GALNTL6: variants seen among roughly 807,000 people sequenced by gnomAD.
GALNTL6 encodes the protein polypeptide N-acetylgalactosaminyltransferase-like 6.
A neutral mutation model predicts 73.7 loss-of-function variants in GALNTL6; 46 were observed. That is an observed-to-expected ratio of 0.62 (90% CI 0.49 to 0.80). The LOEUF (loss-of-function observed/expected upper bound fraction) is 0.80, where lower values mean the gene tolerates loss of function less well. Among genes scored for constraint, GALNTL6 ranks in the 30% least tolerant of loss-of-function variants. GALNTL6 has a pLI of 0.00. For synonymous variants in GALNTL6, 259 were observed against 263.7 expected (o/e 0.98, Z 0.17); for missense variants, 604 against 755.0 (o/e 0.80, Z 2.34).
intron 2 of GALNTL6, among the ~76,000 whole-genome samples, chr4:172,070,003 G>A (rs36118150): frequency 0.68 from 72,227 of 106,490 alleles, 32,497 homozygotes; most frequent in Non-Finnish European, 0.84. Flanking sequence ...TCAATGGGTT[G>A]CCTCTCTGGC....
intron 5 of GALNTL6, among the ~76,000 whole-genome samples, chr4:172,611,273 A>C (rs948352319): frequency 6.6e-6 from 1 of 152,020 alleles, no homozygotes; most frequent in African/African-American, 2.4e-5. Context: ...GCTTTATAGT[A>C]TCAGTGGTCT....
intron 5 of GALNTL6, among the ~76,000 whole-genome samples, chr4:172,796,788 G>A (rs1740293832): frequency 6.8e-6 from 1 of 148,112 alleles, no homozygotes; most frequent in Admixed American, 6.9e-5. Flanking sequence ...ATTAAGAACG[G>A]GGAGTTTCCG....
chr4:172,226,851 A>T (rs1041764781), intron 2 of GALNTL6, among the ~76,000 whole-genome samples: 7 of 152,046 alleles, frequency 4.6e-5, no homozygotes, highest in African/African-American at 1.7e-4. Context: ...ACATTTCAGG[A>T]ACTCTCTCTG....
At chr4:172,711,809 A>G (rs1734724960) in intron 5 of GALNTL6, among the ~76,000 whole-genome samples, 2 of 152,182 alleles carry the variant, frequency 1.3e-5, no homozygotes, top group African/African-American at 2.4e-5. Flanking sequence ...CTTAAAGTCT[A>G]TTAACATAGA....
At chr4:172,392,525 G>A (rs1019946207) in intron 5 of GALNTL6, among the ~76,000 whole-genome samples, 1 of 150,142 alleles carries the variant, frequency 6.7e-6, no homozygotes, top group African/African-American at 2.5e-5. Context: ...CTCCTTCCTC[G>A]GTCTCCCAAA....
intron 5 of GALNTL6, among the ~76,000 whole-genome samples, chr4:172,720,161 G>C (rs757088192): frequency 1.3e-5 from 2 of 152,090 alleles, no homozygotes; most frequent in Non-Finnish European, 2.9e-5. Context: ...GTAGGTTTCA[G>C]TCTCATTTGT....
intron 5 of GALNTL6, among the ~76,000 whole-genome samples, chr4:172,489,637 T>A (rs1217172716): frequency 6.6e-6 from 1 of 152,208 alleles, no homozygotes; most frequent in Non-Finnish European, 1.5e-5. Context: ...TGTCATAGAA[T>A]TCCTGGCATT....
intron 2 of GALNTL6, among the ~76,000 whole-genome samples, chr4:172,048,848 A>G (rs1488327747): frequency 6.6e-6 from 1 of 152,302 alleles, no homozygotes; most frequent in African/African-American, 2.4e-5. Context: ...TTCCAAAAAA[A>G]GACAGCTCAA....
chr4:172,976,470 T>A (rs1001225619), intron 10 of GALNTL6, among the ~76,000 whole-genome samples: 6 of 152,220 alleles, frequency 3.9e-5, no homozygotes, highest in African/African-American at 1.4e-4. Context: ...CTCAGCTGCA[T>A]GCCCAGAAGT....
chr4:172,159,028 A>G (rs1734371336), intron 2 of GALNTL6, among the ~76,000 whole-genome samples: 1 of 152,198 alleles, frequency 6.6e-6, no homozygotes, highest in African/African-American at 2.4e-5. Context: ...ATTTTTGGAA[A>G]TTGCCATAGA....
chr4:172,733,234 T>G (rs1736257863), intron 5 of GALNTL6, among the ~76,000 whole-genome samples: 1 of 152,222 alleles, frequency 6.6e-6, no homozygotes, highest in Non-Finnish European at 1.5e-5. Flanking sequence ...TTGAACACTT[T>G]GAAAATATTG....
chr4:172,949,035 C>G (rs144802225), intron 9 of GALNTL6, among the ~76,000 whole-genome samples: 3,252 of 152,236 alleles, frequency 0.021, 68 homozygotes, highest in South Asian at 0.047. Context: ...CAATAATTGC[C>G]ATATCTATTT....
chr4:172,257,141 A>G (rs1397991942), intron 3 of GALNTL6, among the ~76,000 whole-genome samples: 1 of 151,462 alleles, frequency 6.6e-6, no homozygotes, highest in Non-Finnish European at 1.5e-5. Context: ...GTCTGGACAT[A>G]TATGAAGTTC....
At chr4:172,371,631 C>G (rs1244565751) in intron 5 of GALNTL6, among the ~76,000 whole-genome samples, 1 of 151,964 alleles carries the variant, frequency 6.6e-6, no homozygotes, top group African/African-American at 2.4e-5. Context: ...GTCGCTCTGT[C>G]TCTTCCTCTG....
At chr4:172,536,511 G>A (rs1355539883) in intron 5 of GALNTL6, among the ~76,000 whole-genome samples, 1 of 152,114 alleles carries the variant, frequency 6.6e-6, no homozygotes, top group African/African-American at 2.4e-5. Flanking sequence ...GTGGAATAAA[G>A]GTGACTCTTG....
At chr4:172,755,028 G>A (rs914061786) in intron 5 of GALNTL6, among the ~76,000 whole-genome samples, 18 of 151,896 alleles carry the variant, frequency 1.2e-4, no homozygotes, top group African/African-American at 4.1e-4. Context: ...TGCTTGATGG[G>A]GACTGAGCCT....
At chr4:172,294,883 AAGAT>A (rs550442301) in intron 3 of GALNTL6, among the ~76,000 whole-genome samples, 94 of 152,330 alleles carry the variant, frequency 6.2e-4, no homozygotes, top group African/African-American at 2.1e-3. Flanking sequence ...AAGCTGAAAA[AAGAT>A]AGAATACTAA....
chr4:172,658,160 A>AAAAAAAAAAG (rs1731163470), intron 5 of GALNTL6, among the ~76,000 whole-genome samples: 1 of 117,824 alleles, frequency 8.5e-6, no homozygotes, highest in Admixed American at 9.2e-5. Context: ...AAAAAAAAAA[A>AAAAAAAAAAG]AAAAAAAAAG....
intron 5 of GALNTL6, among the ~76,000 whole-genome samples, chr4:172,438,929 A>G (rs1216306655): frequency 6.6e-6 from 1 of 152,010 alleles, no homozygotes; most frequent in Non-Finnish European, 1.5e-5. Flanking sequence ...CTACATCTGC[A>G]TTCATCTACT....
Sources: allele counts gnomAD v4.1 joint callset (sites outside exome capture counted in the v4.1 genomes callset), GRCh38; gene constraint gnomAD v4.1.1; transcripts MANE v1.5; gene names NCBI Gene and HGNC (gene_info 2026-07-23, HGNC 2026-07-21).